The following DNAJC3 variants were observed in gnomAD, a reference collection of about 807,000 sequenced individuals.
DNAJC3 encodes the protein dnaJ homolog subfamily C member 3.
Under a neutral mutation model 68.6 loss-of-function variants are expected in DNAJC3, and 38 were observed. That is an observed-to-expected ratio of 0.55 (90% CI 0.43 to 0.73). The LOEUF is 0.73. Ranked by LOEUF, DNAJC3 falls within the 30% of genes least tolerant of loss-of-function variation. The probability of loss-of-function intolerance (pLI) is 0.00; values close to 1 mark genes in which losing one functional copy is unlikely to be tolerated. For missense variants in DNAJC3, 526 were observed against 591.9 expected (o/e 0.89, Z 1.16); for synonymous variants, 203 against 204.0 (o/e 1.00, Z 0.04).
intron 4 of DNAJC3, among the ~76,000 whole-genome samples, chr13:95,725,825 T>TC (rs1030984717): frequency 7.8e-5 from 4 of 51,232 alleles, no homozygotes; most frequent in Admixed American, 2.8e-4. Flanking sequence ...CCCTCCCCCC[T>TC]CCCCCCACCC....
In DNAJC3 at chr13:95,679,670, A is replaced by T. The variant is rs548040013; in HGVS notation, c.82+2333A>T. Among the ~76,000 whole-genome samples the T allele has an allele frequency of 8.8e-4, 134 of 152,326 alleles. 1 individual carries two copies. Among genetic ancestry groups the T allele is most frequent in the African/African-American group, 3.1e-3 (130 of 41,562 alleles). On this transcript the variant is annotated intron_variant, in intron 1 of 11. Transcript: ENST00000602402. ...GATTTTTGTTAAATAGGTAGGTTTTAGCTGCTCTTGTCACACAAAAAGTAA... is the reference window on the plus strand; with the variant it reads ...GATTTTTGTTAAATAGGTAGGTTTTTGCTGCTCTTGTCACACAAAAAGTAA...
intron 7 of DNAJC3, among the ~76,000 whole-genome samples, chr13:95,762,831 A>C (rs975259511): frequency 1.3e-5 from 2 of 152,004 alleles, no homozygotes; most frequent in Admixed American, 6.6e-5. Context: ...ATGTGTTCTC[A>C]TTGTTCAGCT....
rs985461338 is a variant in DNAJC3, at chr13:95,740,084, G to A, written c.393+14832G>A. Among the ~76,000 whole-genome samples the A allele has an allele frequency of 4.9e-4, 74 of 152,280 alleles. 1 individual carries two copies. Among genetic ancestry groups the A allele is most frequent in the Non-Finnish European group, 1.0e-3 (68 of 68,032 alleles). ...GAATACCCTGCCGTGTGAGGTGTCA[G>A]TGTGCCCCTGCTGGGGGGTGCCTCC... is the stretch of plus-strand genomic sequence containing the variant. On this transcript the variant is annotated intron_variant, in intron 4 of 11. Coordinates refer to ENST00000602402, the MANE Select transcript of DNAJC3 (RefSeq NM_006260.5).
At position 95,677,223 on chromosome 13, in the gene DNAJC3, C is replaced by T. The variant is rs2139591165; in HGVS notation, c.-33C>T. 6.3e-7 allele frequency: 1 copy of T among 1,594,130 alleles called. No individual in the cohort carries two copies. Among genetic ancestry groups the T allele is most frequent in the East Asian group, 2.3e-5 (1 of 43,108 alleles). On this transcript the variant is annotated 5_prime_UTR_variant, in exon 1 of 12. Transcript: ENST00000602402. ...CCGGCGCGTGCTGGTGGGCCACACA[C>T]CTTTCCTCCTCTTCACTCGCGAGCC...
intron 5 of DNAJC3, among the ~76,000 whole-genome samples, chr13:95,758,962 T>A (rs1267656749): frequency 6.6e-6 from 1 of 152,220 alleles, no homozygotes; most frequent in African/African-American, 2.4e-5. Flanking sequence ...AAATATAGTT[T>A]ACATTTTTAC....
intron 1 of DNAJC3, among the ~76,000 whole-genome samples, chr13:95,689,725 A>C (rs1186726002): frequency 6.6e-6 from 1 of 152,024 alleles, no homozygotes; most frequent in Non-Finnish European, 1.5e-5. Context: ...TTTTTGATGT[A>C]GGCATTTAAT....
chr13:95,763,275 T>G (rs1238226020), intron 7 of DNAJC3, among the ~76,000 whole-genome samples: 1 of 152,234 alleles, frequency 6.6e-6, no homozygotes, highest in Non-Finnish European at 1.5e-5. Context: ...GAAATAAAAC[T>G]TGATCTCTGT....
chr13:95,763,854 A>C lies in DNAJC3; in HGVS notation c.976A>C (p.Ile326Leu). ...FSKDEKPVEA[I>L]RVCSEVLQME... ...TTAGGACGAGAAGCCTGTTGAAGCTATTAGGGTTTGTTCTGAAGTTTTACA... is the reference window on the plus strand; with the variant it reads ...TTAGGACGAGAAGCCTGTTGAAGCTCTTAGGGTTTGTTCTGAAGTTTTACA... The change falls in exon 9 of 12, where the codon ATT becomes CTT. Residue 326 changes from isoleucine to leucine, a missense_variant. Ile to Leu is a conservative substitution (Grantham distance 5). Transcript: ENST00000602402. The C allele has an allele frequency of 6.2e-7, 1 of 1,614,062 alleles. No individual in the cohort carries two copies. Among genetic ancestry groups the C allele is most frequent in the Non-Finnish European group, 8.5e-7 (1 of 1,179,960 alleles).
chr13:95,758,519 T>A (rs1323898560), intron 5 of DNAJC3, among the ~76,000 whole-genome samples: 5 of 150,602 alleles, frequency 3.3e-5, no homozygotes, highest in African/African-American at 1.2e-4. Context: ...ATGCTTGTGA[T>A]CCCAGCTACT....
In DNAJC3 at chr13:95,692,365, G is replaced by T. The variant is rs558252722; in HGVS notation, c.82+15028G>T. Among the ~76,000 whole-genome samples the T allele has an allele frequency of 1.2e-4, 18 of 152,198 alleles. 1 individual carries two copies. The highest frequency in any genetic ancestry group is 3.4e-4 in the African/African-American group (14 of 41,522). On this transcript the variant is annotated intron_variant, in intron 1 of 11. Transcript: ENST00000602402. ...CTTGATGATCTGTCTTGTGTTGTCAGTGGGGGGGTTGGCGTCCCTTCATTA... is the reference window on the plus strand; with the variant it reads ...CTTGATGATCTGTCTTGTGTTGTCATTGGGGGGGTTGGCGTCCCTTCATTA...
intron 2 of DNAJC3, among the ~76,000 whole-genome samples, chr13:95,712,374 CTTT>C (rs71113952): frequency 7.4e-5 from 10 of 135,192 alleles, no homozygotes; most frequent in Non-Finnish European, 7.8e-5. Flanking sequence ...ATGCTTTTTT[CTTT>C]TTTTTTTTTT....
chr13:95,739,170 G>A (rs536292453), intron 4 of DNAJC3, among the ~76,000 whole-genome samples: 145 of 151,554 alleles, frequency 9.6e-4, no homozygotes, highest in African/African-American at 3.3e-3. Flanking sequence ...CTTCTGGCTT[G>A]TAGGGTTTCT....
chr13:95,714,489 G>C (rs1033499210), intron 2 of DNAJC3, among the ~76,000 whole-genome samples: 1 of 151,776 alleles, frequency 6.6e-6, no homozygotes, highest in African/African-American at 2.4e-5. Flanking sequence ...GAAAATTAAG[G>C]CTTTTCTAAA....
chr13:95,697,392 T>A (rs1452750809), intron 1 of DNAJC3, among the ~76,000 whole-genome samples: 2 of 152,206 alleles, frequency 1.3e-5, no homozygotes, highest in Non-Finnish European at 2.9e-5. Flanking sequence ...CTGCTGAGAA[T>A]TTCACTCTTA....
intron 2 of DNAJC3, among the ~76,000 whole-genome samples, chr13:95,721,899 C>T (rs1309183416): frequency 6.6e-6 from 1 of 152,110 alleles, no homozygotes; most frequent in Non-Finnish European, 1.5e-5. Context: ...ATGGACTGTC[C>T]TGCCGTATAG....
chr13:95,760,313 AAG>A, intron 6 of DNAJC3, 92 bp downstream of exon 6: 2 of 1,146,246 alleles, frequency 1.7e-6, no homozygotes, highest in Non-Finnish European at 2.3e-6. Context: ...TTAAATTAAT[AAG>A]ATGATGGTAG....
At chr13:95,764,127 TACCATGTGAGG>T (rs1291919384) in intron 9 of DNAJC3, among the ~76,000 whole-genome samples, 174 bp downstream of exon 9, 7 of 152,158 alleles carry the variant, frequency 4.6e-5, no homozygotes, top group Admixed American at 4.6e-4. Context: ...CTGAAAGGTA[TACCATGTGAGG>T]AAAGAGTTCT....
intron 6 of DNAJC3, 60 bp downstream of exon 6, chr13:95,760,281 A>C (rs1882784247): frequency 6.8e-4 from 922 of 1,349,914 alleles, no homozygotes; most frequent in Non-Finnish European, 8.4e-4. Flanking sequence ...AGATTACCTC[A>C]TCTTGTTTTA....
intron 1 of DNAJC3, among the ~76,000 whole-genome samples, chr13:95,696,812 C>A (rs1479566431): frequency 1.3e-5 from 2 of 151,680 alleles, no homozygotes; most frequent in Non-Finnish European, 2.9e-5. Flanking sequence ...GTGGCGTGAT[C>A]TCGGCTCACT....
Sources: allele counts gnomAD v4.1 joint callset (sites outside exome capture counted in the v4.1 genomes callset), GRCh38; gene constraint gnomAD v4.1.1; transcripts MANE v1.5; gene names NCBI Gene and HGNC (gene_info 2026-07-23, HGNC 2026-07-21).